Variants in CPAP observed in about 807,000 individuals in gnomAD.
The protein encoded by CPAP is centrosome assembly and centriole elongation protein.
the CPAP span, chr13:24,907,058 G>A: frequency 1.2e-6 from 2 of 1,601,572 alleles, no homozygotes; most frequent in Non-Finnish European, 1.7e-6. Context: ...TAAAGCCTTA[G>A]AATGATTTAA....
chr13:24,921,637 T>C, the CPAP span, among the ~76,000 whole-genome samples: 1 of 149,974 alleles, frequency 6.7e-6, no homozygotes, highest in Non-Finnish European at 1.5e-5. Flanking sequence ...TTTTTTTTTT[T>C]CAAAATCAAC....
the CPAP span, among the ~76,000 whole-genome samples, chr13:24,895,479 GAGGCAGGAGAATGGCGTGA>G: frequency 6.6e-6 from 1 of 152,168 alleles, no homozygotes; most frequent in East Asian, 1.9e-4. Context: ...TGGGGAGGCT[GAGGCAGGAGAATGGCGTGA>G]AGCCGGGAGG....
At chr13:24,912,843 A>G in the CPAP span, 1 of 1,614,230 alleles carries the variant, frequency 6.2e-7, no homozygotes, top group African/African-American at 1.3e-5. Flanking sequence ...AGCTATCAGA[A>G]AAATGTGTGC....
the CPAP span, among the ~76,000 whole-genome samples, chr13:24,918,828 C>T: frequency 5.3e-5 from 8 of 152,120 alleles, no homozygotes; most frequent in East Asian, 1.9e-4. Flanking sequence ...GTTGGTTTTG[C>T]TGTCTCGAGG....
chr13:24,931,363 A>G, the CPAP span, among the ~76,000 whole-genome samples: 1 of 98,546 alleles, frequency 1.0e-5, no homozygotes, highest in African/African-American at 3.9e-5. Context: ...CATTTTGAGC[A>G]TTATAATGTG....
At chr13:24,916,503 A>G in the CPAP span, among the ~76,000 whole-genome samples, 1 of 152,132 alleles carries the variant, frequency 6.6e-6, no homozygotes, top group African/African-American at 2.4e-5. Flanking sequence ...TAACATTACC[A>G]TTTTTTTCCC....
chr13:24,918,901 C>T, the CPAP span, among the ~76,000 whole-genome samples: 8 of 151,654 alleles, frequency 5.3e-5, no homozygotes, highest in Middle Eastern at 3.2e-3. Context: ...TCATGTTGTT[C>T]GAGAGTCAAC....
the CPAP span, among the ~76,000 whole-genome samples, chr13:24,904,612 G>GA: frequency 2.6e-5 from 4 of 152,072 alleles, no homozygotes; most frequent in Admixed American, 6.5e-5. Flanking sequence ...AAACTACATA[G>GA]AAAAAATGAC....
At chr13:24,883,158 C>T in the CPAP span, 4 of 1,607,676 alleles carry the variant, frequency 2.5e-6, no homozygotes, top group Admixed American at 6.7e-5. Flanking sequence ...ACTGTTACTT[C>T]ATGATCACAT....
the CPAP span, among the ~76,000 whole-genome samples, chr13:24,930,460 T>C: frequency 6.6e-6 from 1 of 152,184 alleles, no homozygotes; most frequent in Non-Finnish European, 1.5e-5. Flanking sequence ...CTTGCCCTTT[T>C]CCCTCCCTCC....
At chr13:24,916,859 T>A in the CPAP span, among the ~76,000 whole-genome samples, 9 of 152,206 alleles carry the variant, frequency 5.9e-5, no homozygotes, top group Non-Finnish European at 1.2e-4. Flanking sequence ...ACAAGTAAGC[T>A]CTTTACTGAT....
At chr13:24,909,701 A>T in the CPAP span, 1 of 1,271,666 alleles carries the variant, frequency 7.9e-7, no homozygotes, top group Non-Finnish European at 1.1e-6. Flanking sequence ...CTGAAAAAAT[A>T]ATTTTTAAAG....
the CPAP span, among the ~76,000 whole-genome samples, chr13:24,891,455 C>T: frequency 3.1e-3 from 466 of 152,282 alleles, 1 homozygote; most frequent in Admixed American, 7.8e-3. Flanking sequence ...TTCCTGGTGG[C>T]CATGTGCTCC....
chr13:24,909,701 AAT>A, the CPAP span: 1 of 1,271,666 alleles, frequency 7.9e-7, no homozygotes, highest in South Asian at 1.3e-5. Flanking sequence ...CTGAAAAAAT[AAT>A]TTTTAAAGAA....
the CPAP span, among the ~76,000 whole-genome samples, chr13:24,923,187 G>C: frequency 6.6e-6 from 1 of 152,098 alleles, no homozygotes; most frequent in Non-Finnish European, 1.5e-5. Flanking sequence ...AGGGAGCACG[G>C]AGAGTCAAAG....
At chr13:24,923,392 C>T in the CPAP span, among the ~76,000 whole-genome samples, 2 of 151,968 alleles carry the variant, frequency 1.3e-5, no homozygotes, top group Admixed American at 6.6e-5. Flanking sequence ...CGAAAATAAC[C>T]CTATGAGAAT....
At chr13:24,885,660 A>C in the CPAP span, 1 of 1,612,076 alleles carries the variant, frequency 6.2e-7, no homozygotes, top group Non-Finnish European at 8.5e-7. Context: ...TGGATCTTCG[A>C]GGTGGATTGC....
At chr13:24,883,070 AATCT>A in the CPAP span, 1 of 1,025,816 alleles carries the variant, frequency 9.7e-7, no homozygotes, top group Non-Finnish European at 1.5e-6. Flanking sequence ...TTTAGAATCT[AATCT>A]TTTCCCCACA....
chr13:24,884,182 G>GT, the CPAP span: 1 of 1,614,184 alleles, frequency 6.2e-7, no homozygotes, highest in Non-Finnish European at 8.5e-7. Context: ...CTTGAGAAAT[G>GT]TAAGACTTCC....
Sources: allele counts gnomAD v4.1 joint callset (sites outside exome capture counted in the v4.1 genomes callset), GRCh38; gene constraint gnomAD v4.1.1; transcripts MANE v1.5; gene names NCBI Gene and HGNC (gene_info 2026-07-23, HGNC 2026-07-21).